SNX29: variants seen among roughly 807,000 people sequenced by gnomAD.
SNX29 encodes the protein sorting nexin-29.
Under a neutral mutation model 102.1 loss-of-function variants are expected in SNX29, and 78 were observed. That is an observed-to-expected ratio of 0.76 (90% CI 0.64 to 0.92). The LOEUF (loss-of-function observed/expected upper bound fraction) is 0.92, where lower values mean the gene tolerates loss of function less well. Among genes scored for constraint, SNX29 ranks in the 40% least tolerant of loss-of-function variants. SNX29 has a pLI of 0.00. For missense variants in SNX29, 1,280 were observed against 1,061.7 expected (o/e 1.21, Z -2.86); for synonymous variants, 580 against 414.5 (o/e 1.40, Z -4.85).
intron 13 of SNX29, among the ~76,000 whole-genome samples, chr16:12,181,429 T>C (rs1278275008): frequency 6.6e-6 from 1 of 152,128 alleles, no homozygotes; most frequent in Non-Finnish European, 1.5e-5. Context: ...TAGAGACAAA[T>C]AGTTGCATTC....
At chr16:12,383,316 A>T (rs988816280) in intron 16 of SNX29, among the ~76,000 whole-genome samples, 1 of 152,242 alleles carries the variant, frequency 6.6e-6, no homozygotes, top group African/African-American at 2.4e-5. Flanking sequence ...TTCTGAGATA[A>T]GACATAGCAT....
At chr16:12,564,867 G>A (rs759029674) in intron 20 of SNX29, among the ~76,000 whole-genome samples, 2 of 150,056 alleles carry the variant, frequency 1.3e-5, no homozygotes, top group Non-Finnish European at 3.0e-5. Context: ...TGAGAGATGA[G>A]AATTTCACTC....
chr16:12,129,517 G>A, intron 12 of SNX29, 113 bp from the exon 13 acceptor site: 3 of 1,334,948 alleles, frequency 2.2e-6, no homozygotes, highest in Non-Finnish European at 3.0e-6. Flanking sequence ...GGTTTATGCA[G>A]AGCCTTGTGG....
At position 12,118,313 on chromosome 16, in the gene SNX29, C is replaced by CTTTCT. The variant is rs1286174976; in HGVS notation, c.1403-8317_1403-8316insCTTTT. Among the ~76,000 whole-genome samples the CTTTCT allele has an allele frequency of 1.9e-4, 16 of 86,120 alleles. No homozygotes were observed. The East Asian group carries it at 2.1e-3, about 11-fold the overall frequency. The allele number at this position is 86,120 out of a possible 152,430, so 56.5% of individuals were successfully genotyped here. A position where few individuals can be genotyped will look rare whatever the true frequency, so the allele number is the denominator to read the frequency against. ...TGTAGATAGTAGATATACAGACCAC[C>CTTTCT]TTTTTTTTTTTTTTTTTTTTTTTAT... On this transcript the variant is annotated intron_variant, in intron 11 of 20. Transcript: ENST00000566228.
At chr16:12,373,935 T>C (rs1410687428) in intron 16 of SNX29, 1 of 152,272 alleles carries the variant, frequency 6.6e-6, no homozygotes, top group East Asian at 1.9e-4. Context: ...TGTCTCAATT[T>C]AAGTGGTTTC....
At position 12,269,745 on chromosome 16, in the gene SNX29, A is replaced by G. The variant is rs117078167; in HGVS notation, c.1679-8188A>G. Among the ~76,000 whole-genome samples the G allele has an allele frequency of 2.2e-3, 342 of 152,318 alleles. 1 individual carries two copies. The highest frequency in any genetic ancestry group is 6.8e-3 in the Middle Eastern group (2 of 294). On this transcript the variant is annotated intron_variant, in intron 14 of 20. Transcript: ENST00000566228. ...TCTATTTTTGAAGTCAGTGTGAGCT[A>G]TCATCGACATGAATAGAGAAGTATG...
At chr16:12,514,193 A>G (rs115735980) in intron 19 of SNX29, among the ~76,000 whole-genome samples, 2,207 of 152,298 alleles carry the variant, frequency 0.014, 52 homozygotes, top group African/African-American at 0.05. Flanking sequence ...TTAAAATTGA[A>G]GACTCAGAGC....
chr16:12,559,133 T>C (rs1441590781), intron 20 of SNX29, among the ~76,000 whole-genome samples: 1 of 152,106 alleles, frequency 6.6e-6, no homozygotes, highest in Non-Finnish European at 1.5e-5. Context: ...GGATCCCTCT[T>C]CTGGTCCCCA....
chr16:12,199,482 T>C (rs961616775), intron 13 of SNX29, 119 bp from the exon 14 acceptor site: 5 of 743,060 alleles, frequency 6.7e-6, no homozygotes, highest in Non-Finnish European at 9.0e-6. Context: ...ATATTAACAT[T>C]TATAAGATGC....
chr16:12,522,205 C>T (rs2090127048), intron 19 of SNX29, among the ~76,000 whole-genome samples: 2 of 152,210 alleles, frequency 1.3e-5, no homozygotes, highest in Admixed American at 6.5e-5. Context: ...ATCGCAAATA[C>T]TGCATGGAAA....
At chr16:12,534,988 G>C (rs983109241) in intron 20 of SNX29, among the ~76,000 whole-genome samples, 1 of 152,314 alleles carries the variant, frequency 6.6e-6, no homozygotes, top group Non-Finnish European at 1.5e-5. Context: ...TTAGTGTGAA[G>C]GTTGAGAAGC....
chr16:12,387,694 A>G (rs753686805), intron 16 of SNX29, among the ~76,000 whole-genome samples: 3 of 152,088 alleles, frequency 2.0e-5, no homozygotes, highest in Non-Finnish European at 4.4e-5. Flanking sequence ...ATTTTCTGTT[A>G]ATAAGTGTTG....
chr16:12,091,705 A>G (rs183763545), intron 11 of SNX29, among the ~76,000 whole-genome samples: 151 of 140,578 alleles, frequency 1.1e-3, no homozygotes, highest in African/African-American at 4.0e-3. Context: ...TGAGCCCAGG[A>G]GTTTGAGGCT....
intron 13 of SNX29, among the ~76,000 whole-genome samples, chr16:12,141,031 T>C (rs1409858965): frequency 1.3e-5 from 2 of 152,260 alleles, no homozygotes; most frequent in East Asian, 3.8e-4. Flanking sequence ...GCAACTGTGC[T>C]AGAAAACATG....
intron 4 of SNX29, among the ~76,000 whole-genome samples, chr16:12,032,181 G>T (rs1016387239): frequency 1.3e-5 from 2 of 150,088 alleles, no homozygotes; most frequent in African/African-American, 4.9e-5. Context: ...GTATGTGTCA[G>T]AATTTCCTTC....
At chr16:12,139,267 G>A (rs189396796) in intron 13 of SNX29, among the ~76,000 whole-genome samples, 92 of 148,302 alleles carry the variant, frequency 6.2e-4, no homozygotes, top group South Asian at 3.0e-3. Flanking sequence ...TCGTGAGACC[G>A]ATCAGGTCCC....
At chr16:12,182,399 A>G (rs1157848549) in intron 13 of SNX29, among the ~76,000 whole-genome samples, 32 of 152,134 alleles carry the variant, frequency 2.1e-4, no homozygotes, top group Non-Finnish European at 2.9e-5. Context: ...TAATAGGCCA[A>G]TTGATTACGG....
intron 16 of SNX29, among the ~76,000 whole-genome samples, chr16:12,368,439 G>A (rs2082566193): frequency 6.6e-6 from 1 of 152,210 alleles, no homozygotes; most frequent in Admixed American, 6.5e-5. Flanking sequence ...TTCCACACTG[G>A]CTTACATCGC....
intron 15 of SNX29, among the ~76,000 whole-genome samples, chr16:12,319,765 A>C (rs2080869239): frequency 6.6e-6 from 1 of 152,128 alleles, no homozygotes. Context: ...CCAGATCCAC[A>C]CCACAGCCCC....
Sources: allele counts gnomAD v4.1 joint callset (sites outside exome capture counted in the v4.1 genomes callset), GRCh38; gene constraint gnomAD v4.1.1; transcripts MANE v1.5; gene names NCBI Gene and HGNC (gene_info 2026-07-23, HGNC 2026-07-21).